The following DISP3 variants were observed in gnomAD, a reference collection of about 807,000 sequenced individuals.
The protein encoded by DISP3 is protein dispatched homolog 3.
Under a neutral mutation model 135.3 loss-of-function variants are expected in DISP3, and 101 were observed. The ratio of observed to expected loss-of-function variants is 0.75; its 90% CI spans 0.64 to 0.88. The LOEUF (loss-of-function observed/expected upper bound fraction) is 0.88, where lower values mean the gene tolerates loss of function less well. Among genes scored for constraint, DISP3 ranks in the 40% least tolerant of loss-of-function variants. DISP3 has a pLI of 0.00. For synonymous variants in DISP3, 856 were observed against 817.0 expected (o/e 1.05, Z -0.81); for missense variants, 1,713 against 1,878.6 (o/e 0.91, Z 1.63).
chr1:11,480,445 G>A (rs564953757), intron 1 of DISP3, among the ~76,000 whole-genome samples: 7 of 152,134 alleles, frequency 4.6e-5, no homozygotes, highest in African/African-American at 7.2e-5. Flanking sequence ...CACAATCCAC[G>A]CAGACCCACG....
chr1:11,530,061 TTGGCTCCTCAA>T, intron 15 of DISP3, 102 bp downstream of exon 15: 3 of 1,475,264 alleles, frequency 2.0e-6, no homozygotes, highest in African/African-American at 1.4e-5. Context: ...ACACCCCCTC[TTGGCTCCTCAA>T]TGGCTCCTCT....
chr1:11,501,834 C>A lies in DISP3; in HGVS notation c.842C>A (p.Ala281Glu). 2 of 1,611,204 alleles carry A rather than the reference C, an allele frequency of 1.2e-6. No individual in the cohort carries two copies. Among genetic ancestry groups the A allele is most frequent in the Non-Finnish European group, 1.7e-6 (2 of 1,178,694 alleles). Residue 281 changes from alanine (A) to glutamate (E), a missense_variant, in exon 2 of 21, where the codon GCG becomes GAG. This residue lies in a region of DISP3 where 571 missense variants were observed against 494.1 expected (regional missense o/e 1.16). Transcript: ENST00000294484. This position sits in a 1 kb window ranked among gnomAD's most constrained non-coding sequence, Gnocchi z 4.9. ...TGGCGCATCGAGCTCATCTTCCTGG[C>A]GCGCGGCGACGCGGAGCGCAACATT... ...AHWRIELIFL[A>E]RGDAERNIFT...
intron 7 of DISP3, 54 bp downstream of exon 7, chr1:11,517,656 G>C (rs917579727): frequency 1.9e-5 from 30 of 1,595,498 alleles, no homozygotes; most frequent in South Asian, 6.6e-5. Flanking sequence ...AGGCCTCTAT[G>C]AGCCACTCAG....
At chr1:11,527,491 T>C (rs1287227591) in intron 13 of DISP3, among the ~76,000 whole-genome samples, 1 of 149,826 alleles carries the variant, frequency 6.7e-6, no homozygotes, top group African/African-American at 2.5e-5. Context: ...GAGGTTGCAG[T>C]GAGCCGAGAT....
intron 1 of DISP3, among the ~76,000 whole-genome samples, chr1:11,489,888 C>CA (rs1309766186): frequency 2.5e-4 from 38 of 152,338 alleles, no homozygotes; most frequent in African/African-American, 8.9e-4. Flanking sequence ...ATTTGTTAAT[C>CA]ACGTCTCAGA....
chr1:11,493,199 C>T (rs1641235127), intron 1 of DISP3, among the ~76,000 whole-genome samples: 1 of 152,166 alleles, frequency 6.6e-6, no homozygotes. Context: ...GCCTGAGAAC[C>T]AGGAGGGCCA....
intron 1 of DISP3, among the ~76,000 whole-genome samples, chr1:11,488,906 T>C (rs1168592914): frequency 1.3e-5 from 2 of 152,192 alleles, no homozygotes; most frequent in Non-Finnish European, 2.9e-5. Flanking sequence ...AAAAATGACC[T>C]GGAAGCTGGA....
rs182217475 is a variant in DISP3, at chr1:11,479,188, G to C, written c.-188G>C. On this transcript the variant is annotated 5_prime_UTR_variant, in exon 1 of 21. Coordinates refer to ENST00000294484, the MANE Select transcript of DISP3 (RefSeq NM_020780.2). ...AGCTGAGGACTGGGATTCGCGCGCA[G>C]CTTCCCGCGGTCTGCTTGCCCTGGA... The C allele has an allele frequency of 6.3e-6, 1 of 158,354 alleles. No homozygotes were observed. The highest frequency in any genetic ancestry group is 2.4e-5 in the African/African-American group (1 of 41,466). The allele number at this position is 158,354 out of a possible 1,614,324, so 9.8% of individuals were successfully genotyped here.
intron 12 of DISP3, among the ~76,000 whole-genome samples, chr1:11,525,892 C>T (rs933222972): frequency 6.6e-6 from 1 of 152,198 alleles, no homozygotes; most frequent in African/African-American, 2.4e-5. Context: ...TCACTGCAGC[C>T]TCGACCTCCT....
intron 7 of DISP3, among the ~76,000 whole-genome samples, chr1:11,518,412 T>C (rs1166015092): frequency 6.6e-6 from 1 of 152,242 alleles, no homozygotes; most frequent in African/African-American, 2.4e-5. Context: ...TGGTGCAGGT[T>C]GGCACTGCAC....
intron 3 of DISP3, among the ~76,000 whole-genome samples, chr1:11,507,005 A>C (rs1418385934): frequency 6.6e-6 from 1 of 152,070 alleles, no homozygotes; most frequent in African/African-American, 2.4e-5. Flanking sequence ...ACAGCGTTTC[A>C]CTATGTTGCC....
Position 11,501,381 on chromosome 1 carries a change from T to A in DISP3, c.389T>A (p.Phe130Tyr). 6.2e-7 allele frequency: 1 copy of A among 1,608,862 alleles called. No homozygotes were observed. The highest frequency in any genetic ancestry group is 1.1e-5 in the South Asian group (1 of 90,524). Residue 130 changes from phenylalanine to tyrosine, a missense_variant, in exon 2 of 21, where the codon TTT (phenylalanine) becomes TAT (tyrosine). Physicochemically the swap from Phe to Tyr is conservative, Grantham distance 22. Coordinates refer to ENST00000294484, the MANE Select transcript of DISP3 (RefSeq NM_020780.2). This position sits in a 1 kb window ranked among gnomAD's most constrained non-coding sequence, Gnocchi z 4.9. ...CTCACTCTGGCGCTTAAGTCCCAGT[T>A]TGGATCCTGGGGGCGGAACCGGCGC... is the stretch of plus-strand genomic sequence containing the variant. ...DALTLALKSQ[F>Y]GSWGRNRRDL...
At chr1:11,532,918 C>T (rs905709716) in intron 17 of DISP3, among the ~76,000 whole-genome samples, 1 of 152,068 alleles carries the variant, frequency 6.6e-6, no homozygotes, top group Admixed American at 6.6e-5. Context: ...ATTGGCCAGG[C>T]GGGTCTCGAA....
At chr1:11,530,298 G>C (rs1387412947) in intron 15 of DISP3, among the ~76,000 whole-genome samples, 14 of 152,190 alleles carry the variant, frequency 9.2e-5, no homozygotes, top group Admixed American at 8.5e-4. Context: ...CTTTCTCTCT[G>C]AGGCCTCCCT....
At chr1:11,534,265 C>T (rs969565858) in intron 17 of DISP3, 116 bp from the exon 18 acceptor site, 2 of 1,279,816 alleles carry the variant, frequency 1.6e-6, no homozygotes, top group African/African-American at 2.9e-5. Flanking sequence ...TTGTTCACAC[C>T]CTCCCCAACA....
chr1:11,521,818 T>G (rs997988346), intron 10 of DISP3, among the ~76,000 whole-genome samples: 2 of 152,054 alleles, frequency 1.3e-5, no homozygotes, highest in Admixed American at 6.5e-5. Context: ...TGGACTGGGA[T>G]AGGGCAGATG....
intron 7 of DISP3, among the ~76,000 whole-genome samples, chr1:11,518,222 A>G (rs1276263006): frequency 6.6e-6 from 1 of 152,182 alleles, no homozygotes; most frequent in Non-Finnish European, 1.5e-5. Flanking sequence ...GGGCCCACTC[A>G]TTGTGATAAA....
Position 11,516,890 on chromosome 1 carries a change from T to C in DISP3, c.1750-573T>C, listed in dbSNP as rs1642027869. Among the ~76,000 whole-genome samples the C allele has an allele frequency of 6.6e-6, 1 of 152,186 alleles. No individual in the cohort carries two copies. The highest frequency in any genetic ancestry group is 2.1e-4 in the South Asian group (1 of 4,828). On this transcript the variant is annotated intron_variant, in intron 6 of 20. Coordinates refer to ENST00000294484, the MANE Select transcript of DISP3 (RefSeq NM_020780.2). This position sits in a 1 kb window ranked among gnomAD's most constrained non-coding sequence, Gnocchi z 5.1. ...GCTGTGTGACCTCTCTGAGCCTCGC[T>C]TTCCTCATGTGTGGATTATCCAGGG...
chr1:11,502,588 C>T (rs758846400), intron 2 of DISP3, 90 bp from the exon 3 acceptor site: 40 of 1,022,654 alleles, frequency 3.9e-5, no homozygotes, highest in Non-Finnish European at 5.7e-5. Flanking sequence ...TCCTGGGAGG[C>T]AGGGCTGCAA....
Sources: gnomAD v4.1 joint callset for allele counts (sites outside exome capture counted in the v4.1 genomes callset) on GRCh38, gnomAD v4.1.1 for gene constraint, gnomAD v4.1.1 regional missense constraint, Gnocchi (gnomAD v3.1) non-coding constraint, MANE v1.5 for transcripts, NCBI Gene and HGNC (gene_info 2026-07-23, HGNC 2026-07-21) for gene names.